The following LRP6 variants were observed in gnomAD, a reference collection of about 807,000 sequenced individuals.
The protein encoded by LRP6 is LDL receptor related protein 6, also known as low-density lipoprotein receptor-related protein 6.
A neutral mutation model predicts 184.1 loss-of-function variants in LRP6; 43 were observed. The observed-to-expected ratio is 0.23, with a 90% CI of 0.18 to 0.30. The LOEUF is 0.30. LRP6 is among the 10% of genes least tolerant of loss of function. The pLI is 1.00. For synonymous variants in LRP6, 719 were observed against 684.9 expected, an observed-to-expected ratio of 1.05 and a Z score of -0.78; for missense variants, 1,571 against 2,005.3, an observed-to-expected ratio of 0.78 and a Z score of 4.14.
rs1481115485 is a variant in LRP6, at chr12:12,117,405, G to C, written c.*3721C>G. 3 of 152,152 alleles carry C rather than the reference G, an allele frequency of 2.0e-5. No homozygotes were observed. The highest frequency in any genetic ancestry group is 4.4e-5 in the Non-Finnish European group (3 of 68,000). 9.4% of individuals were successfully genotyped at this position (152,152 alleles called of 1,614,324 possible). A position where few individuals can be genotyped will look rare whatever the true frequency, so the allele number is the denominator to read the frequency against. ...GACTTAAGCACCACACATTTATTAA[G>C]AGCTGACATATTTCGGATGTGAAAA... On this transcript the variant is annotated 3_prime_UTR_variant, in exon 23 of 23. Transcript: ENST00000261349.
intron 2 of LRP6, chr12:12,210,760 T>G (rs565388805): frequency 6.6e-6 from 1 of 152,330 alleles, no homozygotes; most frequent in East Asian, 1.9e-4. Context: ...TACATCATTA[T>G]CAAATTGAAA....
intron 2 of LRP6, among the ~76,000 whole-genome samples, chr12:12,210,377 A>C (rs553398566): frequency 6.6e-6 from 1 of 152,334 alleles, no homozygotes; most frequent in African/African-American, 2.4e-5. Flanking sequence ...TGGGAGAGCA[A>C]GATGATGAGT....
intron 3 of LRP6, among the ~76,000 whole-genome samples, chr12:12,197,329 G>A (rs757498457): frequency 2.0e-5 from 3 of 152,160 alleles, no homozygotes; most frequent in African/African-American, 7.2e-5. Flanking sequence ...CAGCAATTTT[G>A]CCAGAAAGGC....
chr12:12,249,095 T>C, intron 1 of LRP6: 1 of 705,624 alleles, frequency 1.4e-6, no homozygotes, highest in East Asian at 2.5e-5. Context: ...TTAGCTGAGG[T>C]CTAGACAATG....
At chr12:12,162,124 C>T (rs1274817189) in intron 10 of LRP6, 69 bp downstream of exon 10, 8 of 1,167,588 alleles carry the variant, frequency 6.9e-6, no homozygotes, top group Non-Finnish European at 1.0e-5. Context: ...AGAATATCAT[C>T]TGTAACTATG....
intron 2 of LRP6, among the ~76,000 whole-genome samples, chr12:12,232,728 T>C (rs1261964224): frequency 6.6e-6 from 1 of 151,772 alleles, no homozygotes; most frequent in Non-Finnish European, 1.5e-5. Flanking sequence ...CATCAAACAA[T>C]AACATATCTC....
At chr12:12,210,115 T>G (rs973671092) in intron 2 of LRP6, among the ~76,000 whole-genome samples, 1 of 152,232 alleles carries the variant, frequency 6.6e-6, no homozygotes, top group African/African-American at 2.4e-5. Flanking sequence ...CCACGTGTAT[T>G]ATTTTACTAT....
chr12:12,171,501 G>C (rs1330547624), intron 7 of LRP6, among the ~76,000 whole-genome samples: 1 of 150,966 alleles, frequency 6.6e-6, no homozygotes, highest in Non-Finnish European at 1.5e-5. Context: ...CAGCCTGGGC[G>C]ACAGAGTGAA....
intron 12 of LRP6, among the ~76,000 whole-genome samples, chr12:12,154,798 A>AG (rs1450245406): frequency 1.3e-5 from 2 of 152,244 alleles, no homozygotes; most frequent in Non-Finnish European, 2.9e-5. Flanking sequence ...AGACGAGGAA[A>AG]GGAAAAGAAA....
intron 2 of LRP6, among the ~76,000 whole-genome samples, chr12:12,222,706 T>C (rs903883148): frequency 2.6e-5 from 4 of 152,132 alleles, no homozygotes; most frequent in East Asian, 1.9e-4. Context: ...TACATACTTA[T>C]GACAAAAGTG....
chr12:12,124,693 A>G (rs747581554), intron 21 of LRP6, 31 bp from the exon 22 acceptor site: 29 of 1,349,472 alleles, frequency 2.1e-5, no homozygotes, highest in Non-Finnish European at 3.0e-5. Context: ...AAATATTAAA[A>G]TAACAACATA....
chr12:12,231,155 T>G (rs1270981282), intron 2 of LRP6, among the ~76,000 whole-genome samples: 1 of 114,576 alleles, frequency 8.7e-6, no homozygotes, highest in East Asian at 2.6e-4. Flanking sequence ...CACTCTAGCC[T>G]GGATGACAGA....
chr12:12,266,845 A>G lies in LRP6; in HGVS notation c.-110T>C, dbSNP rs1192680572. ...GCAGGGCTGCACGCTCATACTTCCC[A>G]GCTTCCCAGCGAGAGAAGAAAGAAA... On this transcript the variant is annotated 5_prime_UTR_variant, in exon 1 of 23. Coordinates refer to ENST00000261349, the MANE Select transcript of LRP6 (RefSeq NM_002336.3). 1 of 878,276 alleles carries G rather than the reference A, an allele frequency of 1.1e-6. No individual in the cohort carries two copies. The highest frequency in any genetic ancestry group is 1.9e-6 in the Non-Finnish European group (1 of 533,696). 54.4% of individuals were successfully genotyped at this position (878,276 alleles called of 1,614,324 possible).
chr12:12,161,499 A>C (rs1862740926), intron 10 of LRP6, among the ~76,000 whole-genome samples: 1 of 152,056 alleles, frequency 6.6e-6, no homozygotes, highest in Non-Finnish European at 1.5e-5. Context: ...CGAACTCCTG[A>C]CCTTGTGATC....
intron 15 of LRP6, among the ~76,000 whole-genome samples, chr12:12,140,882 G>A (rs1048167656): frequency 2.6e-5 from 4 of 152,032 alleles, no homozygotes; most frequent in African/African-American, 9.7e-5. Flanking sequence ...GATTACAGGC[G>A]TGAGCCACTG....
chr12:12,167,192 A>G (rs1302801546), intron 7 of LRP6, among the ~76,000 whole-genome samples: 2 of 152,218 alleles, frequency 1.3e-5, no homozygotes, highest in East Asian at 3.8e-4. Flanking sequence ...TTTAGTAAAC[A>G]TAATTCTGCA....
At chr12:12,213,797 T>G (rs945403140) in intron 2 of LRP6, among the ~76,000 whole-genome samples, 2 of 151,230 alleles carry the variant, frequency 1.3e-5, no homozygotes, top group African/African-American at 4.9e-5. Context: ...ATTTTCCTAA[T>G]CTACTTGTTT....
intron 1 of LRP6, among the ~76,000 whole-genome samples, chr12:12,261,191 C>A (rs1019446222): frequency 6.6e-6 from 1 of 152,128 alleles, no homozygotes; most frequent in African/African-American, 2.4e-5. Context: ...GAGGCCGAGG[C>A]GGGCGGATCA....
chr12:12,197,379 C>G (rs79325698), intron 3 of LRP6, among the ~76,000 whole-genome samples: 3 of 152,176 alleles, frequency 2.0e-5, no homozygotes, highest in Non-Finnish European at 4.4e-5. Flanking sequence ...CCCAACACCA[C>G]AATTTGGGTG....
Sources: allele counts gnomAD v4.1 joint callset (sites outside exome capture counted in the v4.1 genomes callset), GRCh38; gene constraint gnomAD v4.1.1; transcripts MANE v1.5; gene names NCBI Gene and HGNC (gene_info 2026-07-23, HGNC 2026-07-21).